AGAP1: variants seen among roughly 807,000 people sequenced by gnomAD.
AGAP1 encodes the protein arf-GAP with GTPase, ANK repeat and PH domain-containing protein 1.
AGAP1 carries 29 observed loss-of-function variants against 105.3 expected under a neutral mutation model. The ratio of observed to expected loss-of-function variants is 0.28; its 90% CI spans 0.21 to 0.38. The LOEUF (loss-of-function observed/expected upper bound fraction) is 0.38, where lower values mean the gene tolerates loss of function less well. Among genes scored for constraint, AGAP1 ranks in the 10% least tolerant of loss-of-function variants. AGAP1 has a pLI of 1.00. For missense variants in AGAP1, 998 were observed against 1,165.1 expected (o/e 0.86, Z 2.09); for synonymous variants, 509 against 485.9 (o/e 1.05, Z -0.63).
At chr2:235,536,142 TACACACACACACACACACACAC>T (rs58090095) in intron 1 of AGAP1, among the ~76,000 whole-genome samples, 2 of 16,410 alleles carry the variant, frequency 1.2e-4, no homozygotes, top group Admixed American at 9.6e-4. Context: ...TGTGGCATCC[TACACACACACACACACACACAC>T]ACACACACAC....
chr2:236,102,144 G>A (rs4663222), intron 16 of AGAP1, among the ~76,000 whole-genome samples: 57,171 of 151,724 alleles, frequency 0.38, 11,037 homozygotes, highest in South Asian at 0.45. Flanking sequence ...TAGGCCGGGC[G>A]CGGTGGCTCA....
chr2:235,562,191 T>G (rs893569977), intron 1 of AGAP1, among the ~76,000 whole-genome samples: 1 of 152,230 alleles, frequency 6.6e-6, no homozygotes, highest in Admixed American at 6.5e-5. Context: ...GATTCCTCTG[T>G]TACATTAAGT....
chr2:235,646,843 G>T (rs996361742), intron 1 of AGAP1, among the ~76,000 whole-genome samples: 2 of 152,178 alleles, frequency 1.3e-5, no homozygotes, highest in South Asian at 4.1e-4. Context: ...ATCACAGAAA[G>T]TCAAGAGTCT....
At chr2:235,668,122 T>G (rs1352908499) in intron 1 of AGAP1, among the ~76,000 whole-genome samples, 1 of 152,114 alleles carries the variant, frequency 6.6e-6, no homozygotes, top group Non-Finnish European at 1.5e-5. Flanking sequence ...GACCCTGTGA[T>G]GGTGAAAATC....
rs1220017322 is a variant in AGAP1 at position 235,736,941 on chromosome 2, G to A, written c.311-4022G>A. 6.6e-6 allele frequency among the ~76,000 whole-genome samples: 1 copy of A among 152,236 alleles called. No homozygotes were observed. The highest frequency in any genetic ancestry group is 1.9e-4 in the East Asian group (1 of 5,190). On this transcript the variant is annotated intron_variant, in intron 3 of 17. Transcript: ENST00000304032. The surrounding 1 kb of genome is among the most constrained non-coding windows in gnomAD (Gnocchi z 5.5). ...TTGAATTTAAAATGGTGCAAGTGGTGGTGCCTGCAGAGTACCAGCTTGTTG... is the reference window on the plus strand; with the variant it reads ...TTGAATTTAAAATGGTGCAAGTGGTAGTGCCTGCAGAGTACCAGCTTGTTG...
chr2:235,803,048 TGTG>T (rs376445057), intron 8 of AGAP1, among the ~76,000 whole-genome samples: 272 of 3,964 alleles, frequency 0.069, 7 homozygotes, highest in African/African-American at 0.1. Flanking sequence ...TGATGATGGT[TGTG>T]GTGATGGTGG....
Position 235,578,399 on chromosome 2 carries a change from T to C in AGAP1, c.163+83550T>C, listed in dbSNP as rs1944808697. ...TGATTAAGACCTTTAAAAATGATGGTAAGCATGTGCCAGTGTGAATGTACT... is the reference window on the plus strand; with the variant it reads ...TGATTAAGACCTTTAAAAATGATGGCAAGCATGTGCCAGTGTGAATGTACT... On this transcript the variant is annotated intron_variant, in intron 1 of 17. Transcript: ENST00000304032. The surrounding 1 kb of genome is among the most constrained non-coding windows in gnomAD (Gnocchi z 4.9). 6.6e-6 allele frequency among the ~76,000 whole-genome samples: 1 copy of C among 152,216 alleles called. No individual in the cohort carries two copies. Among genetic ancestry groups the C allele is most frequent in the Admixed American group, 6.5e-5 (1 of 15,288 alleles).
intron 1 of AGAP1, among the ~76,000 whole-genome samples, chr2:235,624,907 C>G (rs1946591742): frequency 6.6e-6 from 1 of 152,118 alleles, no homozygotes; most frequent in South Asian, 2.1e-4. Context: ...CTCCCCGACC[C>G]CTCTACTCAT....
chr2:235,999,848 G>A (rs1364996628), intron 13 of AGAP1, among the ~76,000 whole-genome samples: 1 of 152,022 alleles, frequency 6.6e-6, no homozygotes, highest in African/African-American at 2.4e-5. Context: ...TGTGTCAAGC[G>A]GGGCAGTGTT....
At position 235,545,670 on chromosome 2, in the gene AGAP1, G is replaced by C. The variant is rs554125834; in HGVS notation, c.163+50821G>C. Among the ~76,000 whole-genome samples the C allele has an allele frequency of 1.7e-4, 26 of 152,280 alleles. 1 individual carries two copies. In the South Asian group the frequency reaches 5.2e-3, roughly 30 times the overall value. On this transcript the variant is annotated intron_variant, in intron 1 of 17. Transcript: ENST00000304032. ...AGATTCTGCCTCTGGAAATCAACAC[G>C]TATTGCCCCTGTGCTCCCCCGGATT...
Position 236,119,128 on chromosome 2 carries a change from C to T in AGAP1, c.2115-1064C>T, listed in dbSNP as rs1431728704. Among the ~76,000 whole-genome samples, 1 of 152,076 alleles carries T rather than the reference C, an allele frequency of 6.6e-6. No homozygotes were observed. The highest frequency in any genetic ancestry group is 2.4e-5 in the African/African-American group (1 of 41,426). On this transcript the variant is annotated intron_variant, in intron 16 of 17. Coordinates refer to ENST00000304032, the MANE Select transcript of AGAP1 (RefSeq NM_001037131.3). This position sits in a 1 kb window ranked among gnomAD's most constrained non-coding sequence, Gnocchi z 6.6. The stretch of plus-strand genomic sequence containing the variant: ...AGACCATGTATTACACTGGCCAGGT[C>T]GGGCAGCCCCATCTCAGCCAGGTTG...
Position 235,734,733 on chromosome 2 carries a change from C to A in AGAP1, c.311-6230C>A, listed in dbSNP as rs1952145871. Among the ~76,000 whole-genome samples the A allele has an allele frequency of 6.6e-6, 1 of 152,208 alleles. No individual in the cohort carries two copies. The highest frequency in any genetic ancestry group is 2.1e-4 in the South Asian group (1 of 4,822). On this transcript the variant is annotated intron_variant, in intron 3 of 17. Transcript: ENST00000304032. This position sits in a 1 kb window ranked among gnomAD's most constrained non-coding sequence, Gnocchi z 5.3. ...CGCCTCTCTGCCTGTTTGATGTTGGCCCTGTGGATGCTGCAAAACGCAGCA... is the reference window on the plus strand; with the variant it reads ...CGCCTCTCTGCCTGTTTGATGTTGGACCTGTGGATGCTGCAAAACGCAGCA...
intron 1 of AGAP1, among the ~76,000 whole-genome samples, chr2:235,675,228 C>T (rs1360187592): frequency 2.8e-5 from 4 of 140,894 alleles, no homozygotes; most frequent in South Asian, 2.3e-4. Flanking sequence ...CTCGCTCTGT[C>T]GCCCAGGCTG....
At chr2:235,783,797 C>G (rs1239798147) in intron 6 of AGAP1, among the ~76,000 whole-genome samples, 1 of 152,056 alleles carries the variant, frequency 6.6e-6, no homozygotes, top group Non-Finnish European at 1.5e-5. Context: ...TTGGGTTACA[C>G]GGCATCTGTC....
At chr2:235,526,377 G>A (rs1345694072) in intron 1 of AGAP1, among the ~76,000 whole-genome samples, 1 of 152,180 alleles carries the variant, frequency 6.6e-6, no homozygotes. Flanking sequence ...CATGGGAGAG[G>A]GTATGGGAAG....
intron 1 of AGAP1, among the ~76,000 whole-genome samples, chr2:235,558,473 A>C (rs1156940920): frequency 6.6e-6 from 1 of 152,114 alleles, no homozygotes; most frequent in Admixed American, 6.5e-5. Context: ...CAAGCCCTTG[A>C]AAATACTCAG....
chr2:236,051,663 G>T lies in AGAP1; in HGVS notation c.2114+2382G>T, dbSNP rs886202979. Among the ~76,000 whole-genome samples the T allele has an allele frequency of 6.6e-6, 1 of 152,180 alleles. No homozygotes were observed. The highest frequency in any genetic ancestry group is 1.5e-5 in the Non-Finnish European group (1 of 68,030). On this transcript the variant is annotated intron_variant, in intron 16 of 17. Transcript: ENST00000304032. The surrounding 1 kb of genome is among the most constrained non-coding windows in gnomAD (Gnocchi z 5.9). ...GGCCCAAAGAGCAGAAGCAGGAAGG[G>T]CCTCTGAGCCAGGGCTGGCACCTTA...
intron 10 of AGAP1, among the ~76,000 whole-genome samples, chr2:235,892,661 G>T (rs910749427): frequency 6.6e-6 from 1 of 151,716 alleles, no homozygotes; most frequent in Non-Finnish European, 1.5e-5. Context: ...GTAAATACAC[G>T]AATTCCTCAC....
Position 235,963,256 on chromosome 2 carries a change from A to G in AGAP1, c.1484-5206A>G, listed in dbSNP as rs1001703847. On this transcript the variant is annotated intron_variant, in intron 12 of 17. Transcript: ENST00000304032. This position sits in a 1 kb window ranked among gnomAD's most constrained non-coding sequence, Gnocchi z 5.1. ...CCTGTCCCTGTCAACTGTTTTGCAA[A>G]AAGTTTTCTACAGCTAAAAGTGGGA... 1.8e-4 allele frequency among the ~76,000 whole-genome samples: 28 copies of G among 152,182 alleles called. No homozygotes were observed. Among genetic ancestry groups the G allele is most frequent in the African/African-American group, 6.5e-4 (27 of 41,452 alleles).
Sources: allele counts gnomAD v4.1 joint callset (sites outside exome capture counted in the v4.1 genomes callset), GRCh38; gene constraint gnomAD v4.1.1; non-coding constraint Gnocchi (gnomAD v3.1); transcripts MANE v1.5; gene names NCBI Gene and HGNC (gene_info 2026-07-23, HGNC 2026-07-21).